The following PADI6 variants were observed in gnomAD, a reference collection of about 807,000 sequenced individuals.
PADI6 encodes the protein peptidyl arginine deiminase 6, also known as inactive protein-arginine deiminase type-6.
A neutral mutation model predicts 78.2 loss-of-function variants in PADI6; 66 were observed. The ratio of observed to expected loss-of-function variants is 0.84; its 90% CI spans 0.69 to 1.04. The LOEUF (loss-of-function observed/expected upper bound fraction) is 1.04, where lower values mean the gene tolerates loss of function less well. PADI6 is among the 50% of genes least tolerant of loss of function. The pLI is 0.00. For missense variants in PADI6, 854 were observed against 866.1 expected (o/e 0.99, Z 0.18); for synonymous variants, 397 against 346.9 (o/e 1.14, Z -1.60).
intron 9 of PADI6, 44 bp from the exon 10 acceptor site, chr1:17,393,931 G>GA: frequency 1.3e-6 from 2 of 1,554,840 alleles, no homozygotes; most frequent in Non-Finnish European, 1.8e-6. Context: ...GGGGTCCGGG[G>GA]AGATGTGTGA....
chr1:17,394,537 T>G, intron 11 of PADI6, 83 bp downstream of exon 11: 2 of 1,432,672 alleles, frequency 1.4e-6, no homozygotes, highest in Non-Finnish European at 1.9e-6. Flanking sequence ...CCATAGCACC[T>G]CAGCAGGTCA....
At chr1:17,398,423 A>T (rs1238062535) in intron 14 of PADI6, among the ~76,000 whole-genome samples, 1 of 152,178 alleles carries the variant, frequency 6.6e-6, no homozygotes, top group East Asian at 1.9e-4. Context: ...GTCTGGGTTG[A>T]GAAGTGCCAG....
At chr1:17,377,423 A>AG (rs1485077824) in intron 3 of PADI6, among the ~76,000 whole-genome samples, 2 of 152,102 alleles carry the variant, frequency 1.3e-5, no homozygotes, top group African/African-American at 2.4e-5. Context: ...CAGTCAGTGA[A>AG]GTGTCTCAGG....
At chr1:17,380,534 G>GT (rs1328696603) in intron 4 of PADI6, among the ~76,000 whole-genome samples, 54 of 152,168 alleles carry the variant, frequency 3.5e-4, no homozygotes, top group East Asian at 1.7e-3. Context: ...TGCCTGGCTA[G>GT]TTTTTTTTGT....
At chr1:17,390,205 G>T (rs1182129001) in intron 8 of PADI6, among the ~76,000 whole-genome samples, 1 of 152,032 alleles carries the variant, frequency 6.6e-6, no homozygotes, top group Non-Finnish European at 1.5e-5. Context: ...TGAAGCTGAG[G>T]CAGGAGAATC....
chr1:17,395,221 TTTTTGA>T, intron 12 of PADI6, 114 bp downstream of exon 12: 10 of 1,347,500 alleles, frequency 7.4e-6, no homozygotes, highest in Non-Finnish European at 9.9e-6. Flanking sequence ...TTTTGTTTGT[TTTTTGA>T]GAGTCTTGCT....
Position 17,394,931 on chromosome 1 carries a change from T to C in PADI6, c.1338-20T>C, listed in dbSNP as rs770087650. On this transcript the variant is annotated intron_variant, in intron 11 of 15. Coordinates refer to ENST00000619609, the MANE Select transcript of PADI6 (RefSeq NM_207421.4). ...TGGGCCACACTGGCTCAAGAGCTGT[T>C]CTTTCCATCTTCCTTCTAGCGCAGA... 6.3e-7 allele frequency: 1 copy of C among 1,591,350 alleles called. No individual in the cohort carries two copies. The highest frequency in any genetic ancestry group is 8.6e-7 in the Non-Finnish European group (1 of 1,169,448).
chr1:17,372,971 G>A (rs2074976818), intron 1 of PADI6, 85 bp from the exon 2 acceptor site: 5 of 1,391,256 alleles, frequency 3.6e-6, no homozygotes, highest in Non-Finnish European at 4.0e-6. Context: ...GAGGATTCGG[G>A]AGCCGTCCCC....
intron 5 of PADI6, among the ~76,000 whole-genome samples, chr1:17,381,391 C>T (rs2075071586): frequency 6.6e-6 from 1 of 152,184 alleles, no homozygotes; most frequent in Non-Finnish European, 1.5e-5. Flanking sequence ...TGTTTCCTAG[C>T]TGTGAACTTG....
At chr1:17,387,304 G>A (rs776300047) in intron 6 of PADI6, among the ~76,000 whole-genome samples, 1 of 152,082 alleles carries the variant, frequency 6.6e-6, no homozygotes, top group Admixed American at 6.6e-5. Context: ...AACTAGCCGG[G>A]CATGGTGGTG....
In PADI6 at chr1:17,395,009, C is replaced by G. The variant is rs369617892; in HGVS notation, c.1396C>G (p.Gln466Glu). The change falls in exon 12 of 16, where the codon CAA (glutamine) becomes GAA (glutamate). Residue 466 changes from glutamine to glutamate, a missense_variant. Transcript: ENST00000619609. ...LRDFLYAQQV[Q>E]APVELYSDWL... ...AGACTTCCTCTATGCCCAGCAGGTC[C>G]AAGCGCCGGTGGAGCTCTACTCAGA... 1.2e-6 allele frequency: 2 copies of G among 1,613,780 alleles called. No homozygotes were observed. Among genetic ancestry groups the G allele is most frequent in the South Asian group, 2.2e-5 (2 of 91,072 alleles).
chr1:17,372,271 T>TGTCCTTCCAGAGTATC lies in PADI6; in HGVS notation c.27_42dup (p.Ile15ValfsTer58). The TGTCCTTCCAGAGTATC allele has an allele frequency of 6.2e-7, 1 of 1,613,950 alleles. No individual in the cohort carries two copies. Among genetic ancestry groups the TGTCCTTCCAGAGTATC allele is most frequent in the Non-Finnish European group, 8.5e-7 (1 of 1,179,860 alleles). Reference sequence around the variant, plus strand: ...ATGGTCAGCGTGGAGGGCCGAGCCATGTCCTTCCAGAGTATCATCCACCTG... The same window carrying TGTCCTTCCAGAGTATC: ...ATGGTCAGCGTGGAGGGCCGAGCCATGTCCTTCCAGAGTATCGTCCTTCCAGAGTATCATCCACCTG... On this transcript the variant is annotated frameshift_variant, in exon 1 of 16. Coordinates refer to ENST00000619609, the MANE Select transcript of PADI6 (RefSeq NM_207421.4). LOFTEE classifies it high-confidence loss of function.
In PADI6 at chr1:17,401,221, T is replaced by A; in HGVS notation, c.1868T>A (p.Met623Lys). The part of the protein sequence containing the change: ...YFPDLLRMIV[M>K]GKNLGIPKPF... ...TTCTAACAGTTGCGGATGATTGTGATGGGCAAGAACCTGGGGATCCCCAAG... is the reference window on the plus strand; with the variant it reads ...TTCTAACAGTTGCGGATGATTGTGAAGGGCAAGAACCTGGGGATCCCCAAG... The change falls in exon 16 of 16, where the codon ATG becomes AAG. Residue 623 changes from methionine to lysine, a missense_variant. Physicochemically the swap from Met to Lys is moderately conservative, Grantham distance 95. Coordinates refer to ENST00000619609, the MANE Select transcript of PADI6 (RefSeq NM_207421.4). 1 of 1,613,972 alleles carries A rather than the reference T, an allele frequency of 6.2e-7. No individual in the cohort carries two copies. The highest frequency in any genetic ancestry group is 8.5e-7 in the Non-Finnish European group (1 of 1,179,854).
At chr1:17,372,444 G>A in intron 1 of PADI6, 83 bp downstream of exon 1, 1 of 1,309,684 alleles carries the variant, frequency 7.6e-7, no homozygotes, top group Non-Finnish European at 1.1e-6. Flanking sequence ...CTGGGAGTTG[G>A]GGGTTACTTC....
At chr1:17,378,745 C>T (rs1459023185) in intron 3 of PADI6, among the ~76,000 whole-genome samples, 1 of 151,982 alleles carries the variant, frequency 6.6e-6, no homozygotes. Flanking sequence ...GCTGGAACTA[C>T]AAGCACCTGC....
intron 3 of PADI6, among the ~76,000 whole-genome samples, chr1:17,377,013 T>G (rs574788477): frequency 6.6e-6 from 1 of 152,138 alleles, no homozygotes; most frequent in Admixed American, 6.6e-5. Flanking sequence ...GCTTGGACCA[T>G]AGGTGTTATA....
chr1:17,395,424 G>T, intron 12 of PADI6, 116 bp from the exon 13 acceptor site: 1 of 1,344,282 alleles, frequency 7.4e-7, no homozygotes, highest in South Asian at 1.4e-5. Flanking sequence ...GGCTGGTCTC[G>T]AACTTCTGAC....
At chr1:17,389,940 GTTTT>G (rs1028134944) in intron 8 of PADI6, among the ~76,000 whole-genome samples, 3 of 152,032 alleles carry the variant, frequency 2.0e-5, no homozygotes, top group Non-Finnish European at 4.4e-5. Flanking sequence ...AGGCTTTTTT[GTTTT>G]TTTAAGGTAG....
At chr1:17,392,254 CG>C (rs757584809) in intron 9 of PADI6, 29 bp downstream of exon 9, 2 of 1,511,596 alleles carry the variant, frequency 1.3e-6, no homozygotes, top group South Asian at 1.2e-5. Flanking sequence ...ACCCACCTGT[CG>C]GGGAGGGGTG....
Sources: allele counts gnomAD v4.1 joint callset (sites outside exome capture counted in the v4.1 genomes callset), GRCh38; gene constraint gnomAD v4.1.1; transcripts MANE v1.5; gene names NCBI Gene and HGNC (gene_info 2026-07-23, HGNC 2026-07-21).